The following CHRNA7 variants were observed in gnomAD, a reference collection of about 807,000 sequenced individuals.
CHRNA7 encodes the protein neuronal acetylcholine receptor subunit alpha-7.
Under a neutral mutation model 48.0 loss-of-function variants are expected in CHRNA7, and 17 were observed. The observed-to-expected ratio is 0.35, with a 90% CI of 0.24 to 0.53. The LOEUF (loss-of-function observed/expected upper bound fraction) is 0.53, where lower values mean the gene tolerates loss of function less well. CHRNA7 is among the 20% of genes least tolerant of loss of function. The probability of loss-of-function intolerance (pLI) is 0.92; values close to 1 mark genes in which losing one functional copy is unlikely to be tolerated. For synonymous variants in CHRNA7, 75 were observed against 242.3 expected, an observed-to-expected ratio of 0.31 and a Z score of 6.41; for missense variants, 155 against 577.7, an observed-to-expected ratio of 0.27 and a Z score of 7.50.
intron 4 of CHRNA7, among the ~76,000 whole-genome samples, chr15:32,121,416 A>G (rs2050968214): frequency 6.6e-6 from 1 of 152,188 alleles, no homozygotes; most frequent in Non-Finnish European, 1.5e-5. Flanking sequence ...CTGCTTCACA[A>G]TTGAGGAAAT....
At chr15:32,118,040 G>A (rs1176142330) in intron 4 of CHRNA7, among the ~76,000 whole-genome samples, 1 of 152,158 alleles carries the variant, frequency 6.6e-6, no homozygotes, top group East Asian at 1.9e-4. Context: ...AGGCCAACTG[G>A]GTCATGAGGG....
chr15:32,108,925 C>A (rs1461447229), intron 3 of CHRNA7, among the ~76,000 whole-genome samples: 2 of 152,150 alleles, frequency 1.3e-5, no homozygotes, highest in African/African-American at 2.4e-5. Context: ...CTCTGCCAGA[C>A]CCTTGGTGCA....
intron 3 of CHRNA7, among the ~76,000 whole-genome samples, chr15:32,108,560 C>T (rs745758180): frequency 1.3e-5 from 2 of 152,138 alleles, no homozygotes; most frequent in Admixed American, 6.5e-5. Flanking sequence ...CTTGGGAAAC[C>T]GTCATGGGAG....
chr15:32,071,172 C>T (rs1011875651), intron 2 of CHRNA7, among the ~76,000 whole-genome samples: 11 of 152,148 alleles, frequency 7.2e-5, no homozygotes, highest in African/African-American at 2.4e-4. Context: ...ACTAATACCA[C>T]ACAGCCTAGA....
At chr15:32,105,405 TTGGAGGAGG>T (rs1328391301) in intron 3 of CHRNA7, among the ~76,000 whole-genome samples, 1 of 110,776 alleles carries the variant, frequency 9.0e-6, no homozygotes, top group Non-Finnish European at 1.9e-5. Flanking sequence ...GGAGGAGGAG[TTGGAGGAGG>T]TGGAGGAGGA....
chr15:32,166,211 T>C (rs2141419727), intron 9 of CHRNA7: 1 of 152,110 alleles, frequency 6.6e-6, no homozygotes. Flanking sequence ...CTCAGTTTGT[T>C]GGTCTGTAAA....
intron 1 of CHRNA7, 111 bp from the exon 2 acceptor site, chr15:32,030,787 C>T: frequency 1.3e-6 from 2 of 1,507,160 alleles, no homozygotes; most frequent in Non-Finnish European, 1.8e-6. Context: ...GCTGCGGGGG[C>T]TGCTTGTCTG....
At chr15:32,073,610 C>A (rs1322435693) in intron 2 of CHRNA7, among the ~76,000 whole-genome samples, 1 of 152,140 alleles carries the variant, frequency 6.6e-6, no homozygotes, top group African/African-American at 2.4e-5. Flanking sequence ...ATGTGATCCT[C>A]AATATTGGAG....
At chr15:32,151,854 G>C (rs1165550926) in intron 4 of CHRNA7, among the ~76,000 whole-genome samples, 1 of 152,114 alleles carries the variant, frequency 6.6e-6, no homozygotes, top group Non-Finnish European at 1.5e-5. Flanking sequence ...CTGTCCTCCG[G>C]TATCTGTGAT....
intron 2 of CHRNA7, among the ~76,000 whole-genome samples, chr15:32,069,067 A>G (rs1363903686): frequency 5.3e-5 from 8 of 152,226 alleles, no homozygotes; most frequent in African/African-American, 1.4e-4. Flanking sequence ...ACATAAAGCA[A>G]TAATTAAAAT....
chr15:32,126,412 G>C (rs2051067401), intron 4 of CHRNA7, among the ~76,000 whole-genome samples: 1 of 152,140 alleles, frequency 6.6e-6, no homozygotes, highest in Non-Finnish European at 1.5e-5. Flanking sequence ...TCTTGGCTTT[G>C]TTGAACTCTG....
At chr15:32,038,296 C>T (rs2049387779) in intron 2 of CHRNA7, among the ~76,000 whole-genome samples, 1 of 150,944 alleles carries the variant, frequency 6.6e-6, no homozygotes, top group Non-Finnish European at 1.5e-5. Flanking sequence ...ATATATTTAT[C>T]AAGTTGAGGA....
chr15:32,091,863 T>C (rs2050388669), intron 2 of CHRNA7, among the ~76,000 whole-genome samples: 1 of 152,232 alleles, frequency 6.6e-6, no homozygotes, highest in Admixed American at 6.5e-5. Context: ...TTGTGCTTTC[T>C]TGTGAGCCAA....
chr15:32,097,153 G>A (rs1452222674), intron 2 of CHRNA7, among the ~76,000 whole-genome samples: 1 of 152,200 alleles, frequency 6.6e-6, no homozygotes, highest in East Asian at 1.9e-4. Context: ...GAAATGCACA[G>A]AAGCCAATTG....
At chr15:32,083,358 C>T (rs1284902221) in intron 2 of CHRNA7, among the ~76,000 whole-genome samples, 2 of 152,192 alleles carry the variant, frequency 1.3e-5, no homozygotes, top group African/African-American at 2.4e-5. Context: ...CAAGAAGCCC[C>T]ATTGCCAGAT....
At chr15:32,125,252 C>A (rs2051045781) in intron 4 of CHRNA7, among the ~76,000 whole-genome samples, 1 of 152,214 alleles carries the variant, frequency 6.6e-6, no homozygotes, top group Non-Finnish European at 1.5e-5. Context: ...AAAGAACAGA[C>A]CTCATTTACA....
intron 3 of CHRNA7, chr15:32,111,216 C>T (rs1484096000): frequency 2.0e-5 from 3 of 152,332 alleles, no homozygotes; most frequent in African/African-American, 7.2e-5. Flanking sequence ...TCCTTTCGTC[C>T]TGACTCTGCG....
intron 4 of CHRNA7, among the ~76,000 whole-genome samples, chr15:32,118,405 G>A (rs2050909709): frequency 1.3e-5 from 2 of 152,232 alleles, no homozygotes; most frequent in South Asian, 4.1e-4. Flanking sequence ...GGAGATCTCA[G>A]AGAAGGAGTT....
chr15:32,134,510 A>G (rs1282452084), intron 4 of CHRNA7, among the ~76,000 whole-genome samples: 1 of 152,208 alleles, frequency 6.6e-6, no homozygotes, highest in East Asian at 1.9e-4. Flanking sequence ...AATTTTTTTA[A>G]GAAAACATTA....
Sources: gnomAD v4.1 joint callset for allele counts (sites outside exome capture counted in the v4.1 genomes callset) on GRCh38, gnomAD v4.1.1 for gene constraint, MANE v1.5 for transcripts, NCBI Gene and HGNC (gene_info 2026-07-23, HGNC 2026-07-21) for gene names.